ZNF7: variants seen among roughly 807,000 people sequenced by gnomAD.
ZNF7 encodes the protein C2-H2 type zinc finger protein.
ZNF7 carries 10 observed loss-of-function variants against 12.0 expected under a neutral mutation model. The ratio of observed to expected loss-of-function variants is 0.83; its 90% CI spans 0.51 to 1.42. The LOEUF is 1.42. Ranked by LOEUF, ZNF7 falls within the 40% of genes most tolerant of loss-of-function variation. The pLI is 0.00. For synonymous variants in ZNF7, 334 were observed against 295.0 expected, an observed-to-expected ratio of 1.13 and a Z score of -1.35; for missense variants, 854 against 837.2, an observed-to-expected ratio of 1.02 and a Z score of -0.25.
intron 3 of ZNF7, chr8:144,836,521 C>T (rs554431855): frequency 6.6e-6 from 1 of 152,340 alleles, no homozygotes; most frequent in African/African-American, 2.4e-5. Context: ...GTGGTATGTT[C>T]TTTGGCATGT....
intron 3 of ZNF7, among the ~76,000 whole-genome samples, chr8:144,831,277 C>CAA (rs904398300): frequency 2.0e-5 from 3 of 152,180 alleles, no homozygotes; most frequent in African/African-American, 7.2e-5. Flanking sequence ...GCTGCTGTGC[C>CAA]AAGTCACAGG....
chr8:144,835,420 C>G (rs1191723242), intron 3 of ZNF7: 2 of 151,992 alleles, frequency 1.3e-5, no homozygotes, highest in Non-Finnish European at 1.5e-5. Flanking sequence ...GCAGGCTAGT[C>G]TTAAACTTCT....
chr8:144,843,232 A>G lies in ZNF7; in HGVS notation c.*64A>G. On this transcript the variant is annotated 3_prime_UTR_variant, in exon 5 of 5. Transcript: ENST00000532777. The stretch of plus-strand genomic sequence containing the variant: ...TATAGCCTTAACTTACTTATTTTAT[A>G]TGGAATCGTTTATACTGACAAACAT... 8 of 1,485,210 alleles carry G rather than the reference A, an allele frequency of 5.4e-6. No individual in the cohort carries two copies. The highest frequency in any genetic ancestry group is 2.3e-5 in the East Asian group (1 of 43,850). 92.0% of individuals were successfully genotyped at this position (1,485,210 alleles called of 1,614,324 possible). A position where few individuals can be genotyped will look rare whatever the true frequency, so the allele number is the denominator to read the frequency against.
In ZNF7 at chr8:144,837,381, GCA is replaced by G. The variant is rs1829137647; in HGVS notation, c.131-3_131-2del. Reference sequence around the variant, plus strand: ...TGCTGACACTGTTGTCTTCTCTGCCGCACACACAGCAGGATTCCTGGTTTTCA... The same window carrying G: ...TGCTGACACTGTTGTCTTCTCTGCCGCACACAGCAGGATTCCTGGTTTTCA... On this transcript the variant is annotated splice_polypyrimidine_tract_variant and splice_region_variant and intron_variant, in intron 3 of 4. Coordinates refer to ENST00000532777, the MANE Select transcript of ZNF7 (RefSeq NM_003416.4). The G allele has an allele frequency of 6.3e-7, 1 of 1,599,094 alleles. No individual in the cohort carries two copies.
chr8:144,837,340 T>A, intron 3 of ZNF7, 51 bp from the exon 4 acceptor site: 1 of 1,505,972 alleles, frequency 6.6e-7, no homozygotes, highest in Non-Finnish European at 9.1e-7. Flanking sequence ...AGCCCTGTGC[T>A]GCACACTTCC....
chr8:144,829,514 T>C lies in ZNF7; in HGVS notation c.40T>C (p.Ser14Pro). 1 of 1,614,144 alleles carries C rather than the reference T, an allele frequency of 6.2e-7. No individual in the cohort carries two copies. The highest frequency in any genetic ancestry group is 8.5e-7 in the Non-Finnish European group (1 of 1,180,008). Residue 14 changes from serine (S) to proline (P), a missense_variant, in exon 3 of 5, where the codon TCT becomes CCT. Coordinates refer to ENST00000532777, the MANE Select transcript of ZNF7 (RefSeq NM_003416.4). Reference protein sequence around the residue: ...VTFGDVAVHFSREEWQCLDPG... With the variant: ...VTFGDVAVHFPREEWQCLDPG... ...ATTTGGCGATGTGGCTGTGCACTTC[T>C]CTCGGGAGGAGTGGCAGTGTCTGGA...
rs1830166425 is a variant in ZNF7 at position 144,843,031 on chromosome 8, A to G, written c.1924A>G (p.Ile642Val). 3 of 1,614,074 alleles carry G rather than the reference A, an allele frequency of 1.9e-6. No individual in the cohort carries two copies. Among genetic ancestry groups the G allele is most frequent in the Non-Finnish European group, 2.5e-6 (3 of 1,180,046 alleles). ...KLHQCEDCEK[I>V]FRWRSHLIIH... is the part of the protein sequence containing the mutation. ...GCATCAGTGTGAAGACTGTGAGAAGATATTTAGGTGGCGTTCACACCTAAT... is the reference window on the plus strand; with the variant it reads ...GCATCAGTGTGAAGACTGTGAGAAGGTATTTAGGTGGCGTTCACACCTAAT... The change falls in exon 5 of 5, where the codon ATA (isoleucine) becomes GTA (valine). Residue 642 changes from isoleucine (I) to valine (V), a missense_variant. Transcript: ENST00000532777.
In ZNF7 at chr8:144,843,219, T is replaced by G. The variant is rs756958478; in HGVS notation, c.*51T>G. 2 of 1,494,996 alleles carry G rather than the reference T, an allele frequency of 1.3e-6. No homozygotes were observed. The highest frequency in any genetic ancestry group is 2.8e-5 in the African/African-American group (2 of 70,406). The allele number at this position is 1,494,996 out of a possible 1,614,324, so 92.6% of individuals were successfully genotyped here. ...ATGTGAATAAACCTATAGCCTTAAC[T>G]TACTTATTTTATATGGAATCGTTTA... On this transcript the variant is annotated 3_prime_UTR_variant, in exon 5 of 5. Coordinates refer to ENST00000532777, the MANE Select transcript of ZNF7 (RefSeq NM_003416.4).
downstream of ZNF7, among the ~76,000 whole-genome samples, chr8:144,844,733 A>AAAAAAAAAAAAAC (rs1563850697): frequency 7.6e-6 from 1 of 132,432 alleles, no homozygotes; most frequent in African/African-American, 3.0e-5. Flanking sequence ...AAAAAAAAAA[A>AAAAAAAAAAAAAC]AAACGAAAAT....
chr8:144,832,663 G>C (rs1473204198), intron 3 of ZNF7, among the ~76,000 whole-genome samples: 1 of 151,826 alleles, frequency 6.6e-6, no homozygotes, highest in Non-Finnish European at 1.5e-5. Flanking sequence ...AGGAGGCAGA[G>C]GTTGCACTGA....
chr8:144,834,967 C>A (rs1563830232), intron 3 of ZNF7: 1 of 151,990 alleles, frequency 6.6e-6, no homozygotes, highest in Non-Finnish European at 1.5e-5. Flanking sequence ...TGGTCTTGAT[C>A]TCCTGACCTC....
rs1830205971 is a variant in ZNF7, at chr8:144,843,226, T to TTCC, written c.*59_*60insCCT. 2 of 1,489,852 alleles carry TTCC rather than the reference T, an allele frequency of 1.3e-6. No individual in the cohort carries two copies. The highest frequency in any genetic ancestry group is 2.8e-5 in the African/African-American group (2 of 71,110). 92.3% of individuals were successfully genotyped at this position (1,489,852 alleles called of 1,614,324 possible). On this transcript the variant is annotated 3_prime_UTR_variant, in exon 5 of 5. Transcript: ENST00000532777. ...TAAACCTATAGCCTTAACTTACTTA[T>TTCC]TTTATATGGAATCGTTTATACTGAC...
chr8:144,828,375 A>C (rs1366947597), intron 1 of ZNF7, among the ~76,000 whole-genome samples: 1 of 152,018 alleles, frequency 6.6e-6, no homozygotes, highest in African/African-American at 2.4e-5. Context: ...AGGGGTTTCC[A>C]TGTCCACTCT....
At chr8:144,834,348 A>G (rs1428995531) in intron 3 of ZNF7, 2 of 151,976 alleles carry the variant, frequency 1.3e-5, no homozygotes, top group Admixed American at 1.3e-4. Context: ...AGAGTTTGGT[A>G]TTTTCCCTCC....
intron 3 of ZNF7, 34 bp downstream of exon 3, chr8:144,829,638 T>A: frequency 6.3e-7 from 1 of 1,582,558 alleles, no homozygotes. Flanking sequence ...TTCCCCTGCA[T>A]CATCAGTCAG....
At position 144,841,980 on chromosome 8, in the gene ZNF7, A is replaced by C; in HGVS notation, c.873A>C (p.Ser291=). 1 of 1,614,160 alleles carries C rather than the reference A, an allele frequency of 6.2e-7. No individual in the cohort carries two copies. The highest frequency in any genetic ancestry group is 8.5e-7 in the Non-Finnish European group (1 of 1,180,020). ...GTGGAAAAGCCTTCCGCCTGAGCTCAAAACTTATTCAGCATCAAAGAATCC... is the reference window on the plus strand; with the variant it reads ...GTGGAAAAGCCTTCCGCCTGAGCTCCAAACTTATTCAGCATCAAAGAATCC... ...TECGKAFRLS[S]KLIQHQRIHT... The change falls in exon 5 of 5, where the codon TCA becomes TCC. Residue 291 remains serine (S), a synonymous_variant. Coordinates refer to ENST00000532777, the MANE Select transcript of ZNF7 (RefSeq NM_003416.4).
intron 3 of ZNF7, among the ~76,000 whole-genome samples, chr8:144,831,496 T>C (rs1828436384): frequency 6.6e-6 from 1 of 152,140 alleles, no homozygotes; most frequent in African/African-American, 2.4e-5. Context: ...AAAAACACTA[T>C]CTTAGGGCCG....
downstream of ZNF7, chr8:144,846,469 G>A (rs568419115): frequency 1.4e-4 from 45 of 311,702 alleles, no homozygotes; most frequent in South Asian, 2.4e-3. Context: ...AGCCTCTGGC[G>A]GCTTTCTTGC....
At chr8:144,844,562 T>C (rs1830385713), downstream of ZNF7, among the ~76,000 whole-genome samples, 1 of 150,084 alleles carries the variant, frequency 6.7e-6, no homozygotes, top group Non-Finnish European at 1.5e-5. Context: ...TACAAAAAAT[T>C]AGCCGGGCGT....
Sources: allele counts gnomAD v4.1 joint callset (sites outside exome capture counted in the v4.1 genomes callset), GRCh38; gene constraint gnomAD v4.1.1; transcripts MANE v1.5; gene names NCBI Gene and HGNC (gene_info 2026-07-23, HGNC 2026-07-21).